The following TRHDE variants were observed in gnomAD, a reference collection of about 807,000 sequenced individuals.
TRHDE encodes thyrotropin-releasing hormone-degrading ectoenzyme.
TRHDE carries 72 observed loss-of-function variants against 125.7 expected under a neutral mutation model. The ratio of observed to expected loss-of-function variants is 0.57; its 90% CI spans 0.47 to 0.70. The LOEUF is 0.70. Ranked by LOEUF, TRHDE falls within the 30% of genes least tolerant of loss-of-function variation. The pLI, the probability that TRHDE is intolerant of heterozygous loss-of-function variation, is 0.00. For synonymous variants in TRHDE, 509 were observed against 509.1 expected (o/e 1.00, Z 0.00); for missense variants, 1,110 against 1,327.1 (o/e 0.84, Z 2.54).
At chr12:72,605,508 G>A (rs1872401925) in intron 12 of TRHDE, among the ~76,000 whole-genome samples, 1 of 152,046 alleles carries the variant, frequency 6.6e-6, no homozygotes, top group African/African-American at 2.4e-5. Flanking sequence ...CTGTATTTTA[G>A]AGGATACTAA....
chr12:72,618,321 A>G, intron 12 of TRHDE, among the ~76,000 whole-genome samples: 1 of 152,106 alleles, frequency 6.6e-6, no homozygotes, highest in South Asian at 2.1e-4. Context: ...ACATTTTTGT[A>G]ATTTGGACTT....
intron 3 of TRHDE, among the ~76,000 whole-genome samples, chr12:72,386,788 T>C (rs1872436940): frequency 1.3e-5 from 2 of 152,192 alleles, no homozygotes; most frequent in African/African-American, 4.8e-5. Context: ...TCAGCCTTTA[T>C]CTTGAGCTAT....
chr12:72,577,554 G>A lies in TRHDE; in HGVS notation c.2321+2012G>A, dbSNP rs377667966. Among the ~76,000 whole-genome samples the A allele has an allele frequency of 3.0e-4, 46 of 152,210 alleles. 1 individual carries two copies. In the South Asian group the frequency reaches 7.9e-3, roughly 26 times the overall value. On this transcript the variant is annotated intron_variant, in intron 12 of 18. Transcript: ENST00000261180. ...AGGACTGAGGGGTTTCGAGGCAGTC[G>A]TTCATGTGAATCGTTACGGGTTTGA...
chr12:72,456,516 A>G (rs1298832337), intron 3 of TRHDE, among the ~76,000 whole-genome samples: 2 of 152,184 alleles, frequency 1.3e-5, no homozygotes, highest in African/African-American at 2.4e-5. Context: ...GAGGAAGGTT[A>G]TCATTTTCTT....
chr12:72,513,170 C>T (rs922682022), intron 6 of TRHDE, among the ~76,000 whole-genome samples: 2 of 152,004 alleles, frequency 1.3e-5, no homozygotes, highest in South Asian at 2.1e-4. Flanking sequence ...ATTTCCTTTT[C>T]GTGTGGACCT....
intron 15 of TRHDE, among the ~76,000 whole-genome samples, chr12:72,632,489 TCTA>T (rs1359412059): frequency 6.6e-6 from 1 of 151,904 alleles, no homozygotes; most frequent in East Asian, 1.9e-4. Context: ...TTTCACAACT[TCTA>T]CTACAATTGT....
chr12:72,629,609 A>G (rs902127379), intron 15 of TRHDE, among the ~76,000 whole-genome samples: 5 of 151,732 alleles, frequency 3.3e-5, no homozygotes, highest in Admixed American at 6.6e-5. Context: ...AATAAGCATT[A>G]TTATTTGCTA....
chr12:72,365,414 G>T (rs944833848), intron 2 of TRHDE, among the ~76,000 whole-genome samples: 6 of 152,048 alleles, frequency 3.9e-5, no homozygotes, highest in African/African-American at 7.2e-5. Context: ...GTGTGGTTAG[G>T]CCCAGGAGTC....
chr12:72,326,604 G>A (rs932000751), intron 2 of TRHDE, among the ~76,000 whole-genome samples: 1 of 152,078 alleles, frequency 6.6e-6, no homozygotes, highest in Non-Finnish European at 1.5e-5. Flanking sequence ...AAACTTTCAA[G>A]CTTAGGAAAT....
chr12:72,612,805 C>G (rs1237209576), intron 12 of TRHDE, among the ~76,000 whole-genome samples: 2 of 151,992 alleles, frequency 1.3e-5, no homozygotes, highest in Non-Finnish European at 2.9e-5. Flanking sequence ...TCTTTTTGAC[C>G]AAATAACTGA....
chr12:72,509,456 C>G (rs568623152), intron 6 of TRHDE, among the ~76,000 whole-genome samples: 2 of 152,098 alleles, frequency 1.3e-5, no homozygotes, highest in Non-Finnish European at 2.9e-5. Flanking sequence ...TCTACCAGCT[C>G]CCTTGTTTTC....
chr12:72,195,523 A>G (rs1877423613), intron 2 of TRHDE, among the ~76,000 whole-genome samples: 1 of 151,354 alleles, frequency 6.6e-6, no homozygotes, highest in Non-Finnish European at 1.5e-5. Flanking sequence ...ATTTTTTCAT[A>G]TTGTTGGCCA....
At chr12:72,594,928 C>G (rs1256038764) in intron 12 of TRHDE, among the ~76,000 whole-genome samples, 1 of 151,762 alleles carries the variant, frequency 6.6e-6, no homozygotes, top group Non-Finnish European at 1.5e-5. Flanking sequence ...GAATACCATG[C>G]AGCCATAAAA....
At chr12:72,123,608 T>A (rs1875642853) in intron 2 of TRHDE, among the ~76,000 whole-genome samples, 1 of 152,146 alleles carries the variant, frequency 6.6e-6, no homozygotes, top group Non-Finnish European at 1.5e-5. Context: ...TTTTTTATAA[T>A]GTTTAAATTC....
intron 15 of TRHDE, among the ~76,000 whole-genome samples, chr12:72,634,738 G>A (rs1200778612): frequency 6.8e-6 from 1 of 147,668 alleles, no homozygotes; most frequent in Non-Finnish European, 1.5e-5. Flanking sequence ...ACCTATGAGT[G>A]AGAATATGCG....
At chr12:72,619,267 A>G (rs1340986615) in intron 13 of TRHDE, among the ~76,000 whole-genome samples, 2 of 152,188 alleles carry the variant, frequency 1.3e-5, no homozygotes, top group Non-Finnish European at 1.5e-5. Context: ...ATGCTTCAGA[A>G]TTTAAGAAGA....
chr12:72,367,497 G>T (rs1871387712), intron 2 of TRHDE, among the ~76,000 whole-genome samples: 1 of 151,804 alleles, frequency 6.6e-6, no homozygotes, highest in Admixed American at 6.6e-5. Context: ...TTAGTTCCCT[G>T]TTTCTTCTAG....
chr12:72,173,397 T>A (rs924485942), intron 2 of TRHDE, among the ~76,000 whole-genome samples: 6 of 152,152 alleles, frequency 3.9e-5, no homozygotes, highest in Non-Finnish European at 8.8e-5. Context: ...TAGAGAGAAA[T>A]GGCACAATTT....
intron 15 of TRHDE, among the ~76,000 whole-genome samples, chr12:72,644,385 C>G (rs1213771750): frequency 1.3e-5 from 2 of 152,180 alleles, no homozygotes; most frequent in Non-Finnish European, 2.9e-5. Context: ...TCTAAAAAGT[C>G]TAGCACAATC....
Sources: gnomAD v4.1 joint callset for allele counts (sites outside exome capture counted in the v4.1 genomes callset) on GRCh38, gnomAD v4.1.1 for gene constraint, MANE v1.5 for transcripts, NCBI Gene and HGNC (gene_info 2026-07-23, HGNC 2026-07-21) for gene names.